The following POLR2F variants were observed in gnomAD, a reference collection of about 807,000 sequenced individuals.
The protein encoded by POLR2F is RNA polymerase II, I and III subunit F, also known as DNA-directed RNA polymerases I, II, and III subunit RPABC2.
A neutral mutation model predicts 22.7 loss-of-function variants in POLR2F; 12 were observed. The observed-to-expected ratio is 0.53, with a 90% CI of 0.34 to 0.86. The LOEUF is 0.86. POLR2F is among the 40% of genes least tolerant of loss of function. POLR2F has a pLI of 0.02. For synonymous variants in POLR2F, 57 were observed against 66.0 expected (o/e 0.86, Z 0.66); for missense variants, 126 against 171.5 (o/e 0.73, Z 1.48).
chr22:37,960,104 A>G (rs6000958), intron 3 of POLR2F, among the ~76,000 whole-genome samples: 3,844 of 151,978 alleles, frequency 0.025, 160 homozygotes, highest in African/African-American at 0.088. Flanking sequence ...GCGCCCGGCC[A>G]TGGTGGTTCT....
downstream of POLR2F, chr22:37,974,031 T>C (rs1489620725): frequency 1.2e-6 from 2 of 1,614,030 alleles, no homozygotes; most frequent in Non-Finnish European, 1.7e-6. This position sits in a 1 kb window ranked among gnomAD's most constrained non-coding sequence, Gnocchi z 5.4. Context: ...AAGGTCTCCA[T>C]GTTGGACATT....
At chr22:37,959,229 C>A in intron 2 of POLR2F, 117 bp from the exon 3 acceptor site, 1 of 968,370 alleles carries the variant, frequency 1.0e-6, no homozygotes, top group Non-Finnish European at 1.6e-6. Context: ...GGTCCCCTGG[C>A]ATGCAGTAAG....
chr22:37,966,021 C>A (rs1433130423), intron 3 of POLR2F, among the ~76,000 whole-genome samples: 2 of 152,124 alleles, frequency 1.3e-5, no homozygotes, highest in Non-Finnish European at 2.9e-5. Flanking sequence ...TGGTGAATCA[C>A]ATGTGGTTCT....
At chr22:38,029,920 T>G (rs1050473097), downstream of POLR2F, among the ~76,000 whole-genome samples, 2 of 152,158 alleles carry the variant, frequency 1.3e-5, no homozygotes, top group African/African-American at 4.8e-5. Flanking sequence ...CCTTGCAGGC[T>G]GGAGATGATT....
At chr22:38,013,335 G>A (rs1021713021) in intron 1 of POLR2F, among the ~76,000 whole-genome samples, 14 of 151,924 alleles carry the variant, frequency 9.2e-5, no homozygotes, top group African/African-American at 2.7e-4. Flanking sequence ...TAGTAGAGGC[G>A]GGGTTTCATC....
At chr22:38,011,140 T>A (rs2084868434) in intron 1 of POLR2F, among the ~76,000 whole-genome samples, 1 of 151,158 alleles carries the variant, frequency 6.6e-6, no homozygotes, top group South Asian at 2.1e-4. Context: ...CTTGTTTTGT[T>A]ACTCAGGCTG....
chr22:37,962,615 C>T (rs902450642), intron 3 of POLR2F, among the ~76,000 whole-genome samples: 1 of 152,222 alleles, frequency 6.6e-6, no homozygotes, highest in Non-Finnish European at 1.5e-5. Context: ...TGTCCATTTA[C>T]ATTAAGTACA....
upstream of POLR2F, chr22:37,983,628 T>G (rs2145777456): frequency 3.1e-6 from 5 of 1,604,234 alleles, no homozygotes; most frequent in African/African-American, 1.3e-5. This position sits in a 1 kb window ranked among gnomAD's most constrained non-coding sequence, Gnocchi z 9.5. Context: ...TTCTTGACCT[T>G]GCCCAGCTCG....
At chr22:38,012,681 T>C (rs1005161370) in intron 1 of POLR2F, among the ~76,000 whole-genome samples, 1 of 152,204 alleles carries the variant, frequency 6.6e-6, no homozygotes. Flanking sequence ...CCCTAACTGT[T>C]GACAGTTTCT....
Position 37,967,873 on chromosome 22 carries a change from A to G in POLR2F, c.*158A>G. ...CCGTTACCGCCATGCTGCGTGGAGCATGCACCTATTCCAGTGGCCCTGTGA... is the reference window on the plus strand; with the variant it reads ...CCGTTACCGCCATGCTGCGTGGAGCGTGCACCTATTCCAGTGGCCCTGTGA... On this transcript the variant is annotated 3_prime_UTR_variant, in exon 5 of 5. Coordinates refer to ENST00000442738, the MANE Select transcript of POLR2F (RefSeq NM_021974.5). 1.4e-6 allele frequency: 2 copies of G among 1,392,256 alleles called. No homozygotes were observed. Among genetic ancestry groups the G allele is most frequent in the Non-Finnish European group, 1.9e-6 (2 of 1,076,700 alleles). 86.2% of individuals were successfully genotyped at this position (1,392,256 alleles called of 1,614,324 possible).
rs566404274 is a variant in POLR2F, at chr22:38,002,851, G to A, written c.120+16539G>A. Among the ~76,000 whole-genome samples, 81 of 151,714 alleles carry A rather than the reference G, an allele frequency of 5.3e-4. 1 individual carries two copies. Among genetic ancestry groups the A allele is most frequent in the African/African-American group, 1.9e-3 (77 of 41,332 alleles). ...CGCCATTCTCCTGCCTCAGCCTCCC[G>A]AGTAGCTGGGATTACAGGCACCTGC... On this transcript the variant is annotated intron_variant, in intron 1 of 2. Coordinates refer to the POLR2F transcript ENST00000333418.
chr22:37,973,355 C>A, downstream of POLR2F: 4 of 632,246 alleles, frequency 6.3e-6, no homozygotes, highest in South Asian at 8.1e-5. Flanking sequence ...GTGAGCCAGA[C>A]AGAAAGCCCC....
chr22:38,013,726 A>G (rs979186989), intron 1 of POLR2F, among the ~76,000 whole-genome samples: 1 of 152,208 alleles, frequency 6.6e-6, no homozygotes, highest in African/African-American at 2.4e-5. Context: ...TTTATAATAC[A>G]AATTTATCCC....
In POLR2F at chr22:37,978,189, G is replaced by C. The variant is rs1478081825; in HGVS notation, c.293+11019G>C. The stretch of plus-strand genomic sequence containing the variant: ...AGCAGAGGGGCTGGCGTGAATGCCA[G>C]AGCACTCCAGGTTGGCCTCCCTCTG... On this transcript the variant is annotated intron_variant, in intron 4 of 4. Coordinates refer to the POLR2F transcript ENST00000405557. The surrounding 1 kb of genome is among the most constrained non-coding windows in gnomAD (Gnocchi z 5.0). The C allele has an allele frequency of 2.7e-6, 4 of 1,464,972 alleles. No homozygotes were observed. In the East Asian group the frequency reaches 9.7e-5, roughly 36 times the overall value. 90.7% of individuals were successfully genotyped at this position (1,464,972 alleles called of 1,614,324 possible).
intron 5 of POLR2F, among the ~76,000 whole-genome samples, chr22:38,037,989 A>T (rs1422490452): frequency 6.6e-6 from 1 of 152,080 alleles, no homozygotes; most frequent in East Asian, 1.9e-4. Context: ...TCATCAAGTC[A>T]GCGTGTGGGA....
Position 38,031,965 on chromosome 22 carries a change from T to G in POLR2F, c.453-9103T>G, listed in dbSNP as rs1157324676. Among the ~76,000 whole-genome samples, 1 of 152,300 alleles carries G rather than the reference T, an allele frequency of 6.6e-6. No individual in the cohort carries two copies. Among genetic ancestry groups the G allele is most frequent in the Admixed American group, 6.5e-5 (1 of 15,290 alleles). On this transcript the variant is annotated intron_variant, in intron 5 of 5. Coordinates refer to the POLR2F transcript ENST00000407936. The surrounding 1 kb of genome is among the most constrained non-coding windows in gnomAD (Gnocchi z 4.1). ...CTCTGTCTTGGCCTCTGTTTTGGTC[T>G]GAAGTCTGGAGATTTTGTCCAGTTT...
chr22:37,994,315 G>T (rs562466890), intron 1 of POLR2F, among the ~76,000 whole-genome samples: 2 of 152,256 alleles, frequency 1.3e-5, no homozygotes, highest in East Asian at 3.9e-4. Context: ...CTCACCTTCA[G>T]CTGTGTGTGC....
intron 1 of POLR2F, among the ~76,000 whole-genome samples, chr22:37,955,681 A>C (rs6000954): frequency 0.034 from 5,137 of 151,700 alleles, 168 homozygotes; most frequent in African/African-American, 0.089. Flanking sequence ...TCTTCTTCTT[A>C]TTATTATTTT....
chr22:37,985,820 C>G (rs1932553862), upstream of POLR2F, among the ~76,000 whole-genome samples: 1 of 17,684 alleles, frequency 5.7e-5, no homozygotes, highest in Non-Finnish European at 1.2e-4. Context: ...GACACTGGAA[C>G]ACACACACAC....
Sources: gnomAD v4.1 joint callset for allele counts (sites outside exome capture counted in the v4.1 genomes callset) on GRCh38, gnomAD v4.1.1 for gene constraint, Gnocchi (gnomAD v3.1) non-coding constraint, MANE v1.5 for transcripts, NCBI Gene and HGNC (gene_info 2026-07-23, HGNC 2026-07-21) for gene names.